CTNNA3: variants seen among roughly 807,000 people sequenced by gnomAD.
The protein encoded by CTNNA3 is catenin alpha-3.
Under a neutral mutation model 95.7 loss-of-function variants are expected in CTNNA3, and 76 were observed. That is an observed-to-expected ratio of 0.79 (90% CI 0.66 to 0.96). The LOEUF is 0.96. Among genes scored for constraint, CTNNA3 ranks in the 40% least tolerant of loss-of-function variants. The pLI, the probability that CTNNA3 is intolerant of heterozygous loss-of-function variation, is 0.00. For synonymous variants in CTNNA3, 431 were observed against 374.4 expected (o/e 1.15, Z -1.74); for missense variants, 1,191 against 1,089.8 (o/e 1.09, Z -1.31).
At chr10:67,212,458 GC>G (rs750725698) in intron 6 of CTNNA3, among the ~76,000 whole-genome samples, 46 of 151,816 alleles carry the variant, frequency 3.0e-4, no homozygotes, top group Non-Finnish European at 4.9e-4. Context: ...TTATGGTAAA[GC>G]TTTTTGTTTT....
chr10:66,344,547 GT>G (rs1169801696), intron 12 of CTNNA3, among the ~76,000 whole-genome samples: 2 of 151,914 alleles, frequency 1.3e-5, no homozygotes, highest in Admixed American at 1.3e-4. Flanking sequence ...GATTACAGGT[GT>G]GAGCCACTGG....
intron 9 of CTNNA3, among the ~76,000 whole-genome samples, chr10:66,646,507 C>T (rs1845712793): frequency 6.6e-6 from 1 of 152,056 alleles, no homozygotes. Flanking sequence ...AAAGACATGT[C>T]TGTATGGAAA....
chr10:66,451,058 G>GTACACACACA (rs1274632967), intron 11 of CTNNA3, among the ~76,000 whole-genome samples: 3 of 151,964 alleles, frequency 2.0e-5, no homozygotes, highest in Non-Finnish European at 2.9e-5. Context: ...AATAGCACGT[G>GTACACACACA]TACACACACA....
chr10:67,700,717 G>A (rs970599151), upstream of CTNNA3, among the ~76,000 whole-genome samples: 12 of 152,228 alleles, frequency 7.9e-5, no homozygotes, highest in Middle Eastern at 6.8e-3. Context: ...AAAGCAGAGC[G>A]CCTCTCCTCC....
chr10:66,432,020 T>C (rs199946028), intron 11 of CTNNA3, among the ~76,000 whole-genome samples: 2 of 152,192 alleles, frequency 1.3e-5, no homozygotes, highest in East Asian at 3.9e-4. Context: ...TTAATAAAAA[T>C]ATATCAAAGC....
intron 11 of CTNNA3, among the ~76,000 whole-genome samples, chr10:66,392,223 G>A (rs867999167): frequency 2.0e-5 from 3 of 152,048 alleles, no homozygotes; most frequent in African/African-American, 7.2e-5. Context: ...AAGGTCAGGA[G>A]TTTGAGACCA....
chr10:66,172,243 AAT>A (rs1045668098), intron 13 of CTNNA3, among the ~76,000 whole-genome samples: 2 of 152,212 alleles, frequency 1.3e-5, no homozygotes, highest in African/African-American at 4.8e-5. Context: ...TATGATTAAA[AAT>A]ATAGAGTTTC....
At position 65,944,712 on chromosome 10, in the gene CTNNA3, T is replaced by C. The variant is rs145764976; in HGVS notation, c.2400+21900A>G. ...TATAGACAAGGAACTAAATATTGACTCAGCAAGAGCTCAAATGAGAGGTCT... is the reference window on the plus strand; with the variant it reads ...TATAGACAAGGAACTAAATATTGACCCAGCAAGAGCTCAAATGAGAGGTCT... On this transcript the variant is annotated intron_variant, in intron 17 of 17. Coordinates refer to ENST00000433211, the MANE Select transcript of CTNNA3 (RefSeq NM_013266.4). Among the ~76,000 whole-genome samples, 1,072 of 152,240 alleles carry C rather than the reference T, an allele frequency of 7.0e-3. 14 individuals carry two copies. Among genetic ancestry groups the C allele is most frequent in the African/African-American group, 0.024 (988 of 41,536 alleles).
chr10:66,780,633 T>C (rs1468048489), intron 7 of CTNNA3, among the ~76,000 whole-genome samples: 6 of 152,218 alleles, frequency 3.9e-5, no homozygotes, highest in Non-Finnish European at 7.3e-5. Flanking sequence ...ATTTGTCCTA[T>C]GCTTAATTAC....
At chr10:67,472,262 G>A (rs963718238) in intron 5 of CTNNA3, among the ~76,000 whole-genome samples, 1 of 152,142 alleles carries the variant, frequency 6.6e-6, no homozygotes, top group Non-Finnish European at 1.5e-5. Flanking sequence ...CTTCTACACA[G>A]AGATATGAAT....
intron 3 of CTNNA3, among the ~76,000 whole-genome samples, chr10:67,555,994 G>T (rs1841230181): frequency 6.6e-6 from 1 of 152,138 alleles, no homozygotes; most frequent in Non-Finnish European, 1.5e-5. Flanking sequence ...AGCCTTTTCT[G>T]CATCTATTAA....
At chr10:66,123,843 G>A (rs915608561) in intron 13 of CTNNA3, among the ~76,000 whole-genome samples, 5 of 152,184 alleles carry the variant, frequency 3.3e-5, no homozygotes, top group Non-Finnish European at 7.3e-5. Context: ...GGAGCAGCTG[G>A]GAGGCAGGGC....
At chr10:66,661,776 A>G (rs1316280912) in intron 9 of CTNNA3, among the ~76,000 whole-genome samples, 5 of 152,192 alleles carry the variant, frequency 3.3e-5, no homozygotes, top group Non-Finnish European at 5.9e-5. Context: ...AGATTAATGT[A>G]AAATTGCTGA....
At chr10:67,655,534 C>A (rs1202763824) in intron 1 of CTNNA3, among the ~76,000 whole-genome samples, 4 of 152,088 alleles carry the variant, frequency 2.6e-5, no homozygotes, top group African/African-American at 4.8e-5. Flanking sequence ...GCCTGTAATC[C>A]CAGCACTTTG....
intron 11 of CTNNA3, among the ~76,000 whole-genome samples, chr10:66,450,333 G>A (rs556500819): frequency 9.4e-4 from 143 of 152,158 alleles, no homozygotes; most frequent in Non-Finnish European, 1.9e-3. Flanking sequence ...ATATAGCTGG[G>A]AGAAATAACC....
At chr10:67,573,135 C>T (rs905267615) in intron 3 of CTNNA3, among the ~76,000 whole-genome samples, 2 of 152,024 alleles carry the variant, frequency 1.3e-5, no homozygotes, top group African/African-American at 4.8e-5. Flanking sequence ...ATGCTGCTCT[C>T]CTACGCCTTT....
At position 66,333,189 on chromosome 10, in the gene CTNNA3, T is replaced by C. The variant is rs2092352432; in HGVS notation, c.1732+45963A>G. Reference sequence around the variant, plus strand: ...TTTTAAAAAAAACCAGCTCCTGGATTCATTGATTTTTTGAAGGGTTTTTTG... The same window carrying C: ...TTTTAAAAAAAACCAGCTCCTGGATCCATTGATTTTTTGAAGGGTTTTTTG... On this transcript the variant is annotated intron_variant, in intron 12 of 17. Transcript: ENST00000433211. Among the ~76,000 whole-genome samples the C allele has an allele frequency of 3.9e-5, 6 of 152,184 alleles. No individual in the cohort carries two copies. The South Asian group carries it at 1.2e-3, about 32-fold the overall frequency.
chr10:66,948,608 C>T (rs1848389379), intron 7 of CTNNA3, among the ~76,000 whole-genome samples: 2 of 152,138 alleles, frequency 1.3e-5, no homozygotes, highest in Non-Finnish European at 1.5e-5. Context: ...TATAGCATGG[C>T]TCATTTTCAT....
chr10:67,322,632 ATT>A (rs1437054159), intron 5 of CTNNA3, among the ~76,000 whole-genome samples: 2 of 152,198 alleles, frequency 1.3e-5, no homozygotes, highest in African/African-American at 4.8e-5. Context: ...ATTCATAGGC[ATT>A]TAGGTTTATT....
Sources: gnomAD v4.1 joint callset for allele counts (sites outside exome capture counted in the v4.1 genomes callset) on GRCh38, gnomAD v4.1.1 for gene constraint, MANE v1.5 for transcripts, NCBI Gene and HGNC (gene_info 2026-07-23, HGNC 2026-07-21) for gene names.